BICD1: variants seen among roughly 807,000 people sequenced by gnomAD.
BICD1 encodes protein bicaudal D homolog 1.
BICD1 carries 35 observed loss-of-function variants against 92.5 expected under a neutral mutation model. The ratio of observed to expected loss-of-function variants is 0.38; its 90% CI spans 0.29 to 0.50. The LOEUF (loss-of-function observed/expected upper bound fraction) is 0.50, where lower values mean the gene tolerates loss of function less well. Among genes scored for constraint, BICD1 ranks in the 20% least tolerant of loss-of-function variants. The pLI, the probability that BICD1 is intolerant of heterozygous loss-of-function variation, is 0.93. For missense variants in BICD1, 950 were observed against 1,189.8 expected (o/e 0.80, Z 2.97); for synonymous variants, 429 against 465.1 (o/e 0.92, Z 1.00).
intron 2 of BICD1, among the ~76,000 whole-genome samples, chr12:32,225,781 C>T (rs190902674): frequency 2.4e-4 from 36 of 151,676 alleles, no homozygotes; most frequent in African/African-American, 7.7e-4. Flanking sequence ...CAACCACACC[C>T]GGCTAATTTT....
At chr12:32,295,090 A>AG (rs1016755292) in intron 3 of BICD1, among the ~76,000 whole-genome samples, 1 of 148,900 alleles carries the variant, frequency 6.7e-6, no homozygotes, top group Admixed American at 6.7e-5. Context: ...TCGAAAAAAA[A>AG]AAAAAAAAAG....
At chr12:32,340,358 T>C (rs931615948) in intron 8 of BICD1, 9 of 985,422 alleles carry the variant, frequency 9.1e-6, no homozygotes, top group South Asian at 4.7e-5. Flanking sequence ...TGATTTCCTA[T>C]TGTTTTAGAC....
At chr12:32,219,714 C>T (rs561916230) in intron 2 of BICD1, among the ~76,000 whole-genome samples, 66 of 152,216 alleles carry the variant, frequency 4.3e-4, no homozygotes, top group South Asian at 8.3e-4. Context: ...AGAAGCTCTG[C>T]GGCTATGCTT....
At chr12:32,204,776 T>C (rs1945000356) in intron 1 of BICD1, among the ~76,000 whole-genome samples, 1 of 152,150 alleles carries the variant, frequency 6.6e-6, no homozygotes, top group Non-Finnish European at 1.5e-5. Context: ...CACAGCAAAC[T>C]CACAGAAGAC....
chr12:32,127,056 T>C (rs1436284427), intron 1 of BICD1, among the ~76,000 whole-genome samples: 10 of 152,224 alleles, frequency 6.6e-5, no homozygotes, highest in Admixed American at 6.5e-4. Context: ...ATACTAAGCC[T>C]TTTTAGTTAT....
At chr12:32,294,706 T>C (rs1947818419) in intron 3 of BICD1, among the ~76,000 whole-genome samples, 1 of 145,966 alleles carries the variant, frequency 6.9e-6, no homozygotes, top group South Asian at 2.3e-4. Context: ...GGTCTCTCAC[T>C]CCCTTAAAAT....
At chr12:32,316,573 T>A (rs540070208) in intron 4 of BICD1, among the ~76,000 whole-genome samples, 6 of 152,278 alleles carry the variant, frequency 3.9e-5, no homozygotes, top group Admixed American at 2.6e-4. Context: ...AGTGCTGGAA[T>A]TACAGGCATG....
At chr12:32,353,507 C>T (rs1029770271) in intron 8 of BICD1, 2 of 150,948 alleles carry the variant, frequency 1.3e-5, no homozygotes, top group African/African-American at 2.4e-5. Flanking sequence ...CTGTAATTTT[C>T]AGATCCATTG....
At chr12:32,162,880 G>T (rs966124599) in intron 1 of BICD1, among the ~76,000 whole-genome samples, 1 of 152,144 alleles carries the variant, frequency 6.6e-6, no homozygotes, top group Non-Finnish European at 1.5e-5. Flanking sequence ...CAGCTACTCA[G>T]GAGGCTGAGG....
chr12:32,312,143 G>C (rs1279457438), intron 4 of BICD1, among the ~76,000 whole-genome samples: 1 of 152,100 alleles, frequency 6.6e-6, no homozygotes, highest in African/African-American at 2.4e-5. Context: ...AAAAGGGGAA[G>C]GTAATAAATT....
intron 1 of BICD1, among the ~76,000 whole-genome samples, chr12:32,208,144 T>C (rs1214057002): frequency 2.6e-5 from 4 of 152,228 alleles, no homozygotes; most frequent in African/African-American, 4.8e-5. Flanking sequence ...GATGTTATTA[T>C]TCTCATTTTA....
intron 2 of BICD1, among the ~76,000 whole-genome samples, chr12:32,223,449 A>AG (rs925550399): frequency 1.3e-5 from 2 of 150,132 alleles, no homozygotes; most frequent in Admixed American, 1.3e-4. Context: ...CGTGAGAGGC[A>AG]GGTGTTGCAG....
At chr12:32,209,113 G>T (rs75695465) in intron 1 of BICD1, among the ~76,000 whole-genome samples, 9,942 of 152,118 alleles carry the variant, frequency 0.065, 339 homozygotes, top group South Asian at 0.11. Context: ...GAGCCACCGC[G>T]CCCAGTCTGG....
intron 6 of BICD1, among the ~76,000 whole-genome samples, chr12:32,335,112 A>G (rs1938046705): frequency 6.6e-6 from 1 of 152,196 alleles, no homozygotes; most frequent in Non-Finnish European, 1.5e-5. Flanking sequence ...AGATACTGTC[A>G]TAATGAAGAT....
At chr12:32,265,508 A>G (rs1946967501) in intron 2 of BICD1, among the ~76,000 whole-genome samples, 1 of 151,238 alleles carries the variant, frequency 6.6e-6, no homozygotes, top group African/African-American at 2.4e-5. Context: ...CAAGATTTTA[A>G]GATCAGCCTG....
At chr12:32,243,442 G>T (rs1946292359) in intron 2 of BICD1, among the ~76,000 whole-genome samples, 1 of 151,518 alleles carries the variant, frequency 6.6e-6, no homozygotes, top group East Asian at 1.9e-4. Context: ...TAGCATTCCA[G>T]AAATATAATT....
intron 2 of BICD1, among the ~76,000 whole-genome samples, chr12:32,247,395 T>A (rs990341439): frequency 1.2e-4 from 18 of 152,166 alleles, no homozygotes; most frequent in African/African-American, 4.3e-4. Flanking sequence ...TTGGAGGAGA[T>A]AACCTAAGGA....
intron 2 of BICD1, among the ~76,000 whole-genome samples, chr12:32,236,872 C>CTTTTTT (rs57318640): frequency 2.6e-4 from 23 of 89,312 alleles, no homozygotes; most frequent in East Asian, 3.8e-4. Flanking sequence ...AAGTCTAATT[C>CTTTTTT]TTTTTTTTTT....
At chr12:32,150,384 A>G (rs557781626) in intron 1 of BICD1, among the ~76,000 whole-genome samples, 2 of 152,304 alleles carry the variant, frequency 1.3e-5, no homozygotes, top group South Asian at 2.1e-4. Context: ...GGAAAAGCGT[A>G]TGTTTTTTCC....
Sources: gnomAD v4.1 joint callset for allele counts (sites outside exome capture counted in the v4.1 genomes callset) on GRCh38, gnomAD v4.1.1 for gene constraint, MANE v1.5 for transcripts, NCBI Gene and HGNC (gene_info 2026-07-23, HGNC 2026-07-21) for gene names.